The following KCNB2 variants were observed in gnomAD, a reference collection of about 807,000 sequenced individuals.
The protein encoded by KCNB2 is potassium voltage-gated channel subfamily B member 2.
KCNB2 carries 15 observed loss-of-function variants against 61.5 expected under a neutral mutation model. The ratio of observed to expected loss-of-function variants is 0.24; its 90% CI spans 0.16 to 0.38. The LOEUF is 0.38. Among genes scored for constraint, KCNB2 ranks in the 10% least tolerant of loss-of-function variants. The pLI, the probability that KCNB2 is intolerant of heterozygous loss-of-function variation, is 1.00. For missense variants in KCNB2, 828 were observed against 1,125.2 expected (o/e 0.74, Z 3.78); for synonymous variants, 457 against 446.0 (o/e 1.02, Z -0.31).
intron 2 of KCNB2, among the ~76,000 whole-genome samples, chr8:72,892,506 C>A (rs889313046): frequency 1.3e-5 from 2 of 152,274 alleles, no homozygotes; most frequent in Non-Finnish European, 2.9e-5. Flanking sequence ...TGCTAGGCAT[C>A]CGGCACATGC....
intron 2 of KCNB2, among the ~76,000 whole-genome samples, chr8:72,906,858 C>G (rs1475767658): frequency 6.6e-6 from 1 of 152,152 alleles, no homozygotes; most frequent in Non-Finnish European, 1.5e-5. Flanking sequence ...AAAGATGTAT[C>G]TCCTCATATT....
At chr8:72,924,438 G>C (rs1427425193) in intron 2 of KCNB2, among the ~76,000 whole-genome samples, 1 of 152,102 alleles carries the variant, frequency 6.6e-6, no homozygotes, top group Non-Finnish European at 1.5e-5. Flanking sequence ...AATCATTTGA[G>C]AATCTTGCTA....
Position 72,937,083 on chromosome 8 carries a change from G to T in KCNB2, c.1728G>T (p.Met576Ile). ...CTGCATATGAAGAAGAGATTGAAAT[G>T]GAAGAAGTGGTGTGTCCACAGGAGC... ...RPSAYEEEIE[M>I]EEVVCPQEQL... Residue 576 changes from methionine (M) to isoleucine (I), a missense_variant, in exon 3 of 3, where the codon ATG becomes ATT. Met to Ile is a conservative substitution (Grantham distance 10). Coordinates refer to ENST00000523207, the MANE Select transcript of KCNB2 (RefSeq NM_004770.3). 6.2e-7 allele frequency: 1 copy of T among 1,614,150 alleles called. No individual in the cohort carries two copies. The highest frequency in any genetic ancestry group is 8.5e-7 in the Non-Finnish European group (1 of 1,180,014).
In KCNB2 at chr8:72,574,200, C is replaced by T. The variant is rs139072624; in HGVS notation, c.579+5887C>T. Among the ~76,000 whole-genome samples, 957 of 152,316 alleles carry T rather than the reference C, an allele frequency of 6.3e-3. 8 individuals are homozygous for T. Among genetic ancestry groups the T allele is most frequent in the African/African-American group, 0.021 (871 of 41,574 alleles). On this transcript the variant is annotated intron_variant, in intron 2 of 2. Transcript: ENST00000523207. ...TCTCAAATATTCTGTTTTTTAGCTGCAGCGATCCTATTTCTAGATCCATGC... is the reference window on the plus strand; with the variant it reads ...TCTCAAATATTCTGTTTTTTAGCTGTAGCGATCCTATTTCTAGATCCATGC...
chr8:72,679,621 T>G (rs1450795449), intron 2 of KCNB2, among the ~76,000 whole-genome samples: 1 of 152,260 alleles, frequency 6.6e-6, no homozygotes, highest in East Asian at 1.9e-4. Context: ...GTTTTTATTA[T>G]GTTTTGACAT....
intron 1 of KCNB2, among the ~76,000 whole-genome samples, chr8:72,547,551 T>C (rs1463471415): frequency 6.6e-6 from 1 of 152,168 alleles, no homozygotes; most frequent in Non-Finnish European, 1.5e-5. Flanking sequence ...ATGGATGACT[T>C]TGAGGGATTT....
At chr8:72,592,748 C>T (rs1202799576) in intron 2 of KCNB2, among the ~76,000 whole-genome samples, 1 of 152,104 alleles carries the variant, frequency 6.6e-6, no homozygotes, top group African/African-American at 2.4e-5. Flanking sequence ...GGTAGGTGAA[C>T]ACCCTGAAGG....
chr8:72,791,208 T>A (rs968655489), intron 2 of KCNB2, among the ~76,000 whole-genome samples: 1 of 152,108 alleles, frequency 6.6e-6, no homozygotes, highest in Non-Finnish European at 1.5e-5. Context: ...GATGTACCCT[T>A]TGCAAGTAGC....
At chr8:72,582,019 T>G (rs1806906995) in intron 2 of KCNB2, among the ~76,000 whole-genome samples, 1 of 152,170 alleles carries the variant, frequency 6.6e-6, no homozygotes, top group Non-Finnish European at 1.5e-5. Flanking sequence ...ATCCACCCTT[T>G]ACAGGTCCTA....
At chr8:72,775,164 C>T (rs545154520) in intron 2 of KCNB2, among the ~76,000 whole-genome samples, 14 of 152,238 alleles carry the variant, frequency 9.2e-5, no homozygotes, top group African/African-American at 3.1e-4. Flanking sequence ...TCTGCCCTTC[C>T]GGTCAGGGCC....
At chr8:72,862,741 C>T (rs1805439033) in intron 2 of KCNB2, among the ~76,000 whole-genome samples, 1 of 152,108 alleles carries the variant, frequency 6.6e-6, no homozygotes, top group Admixed American at 6.6e-5. Flanking sequence ...AGTTTGTGGG[C>T]CCATATTGTA....
chr8:72,844,224 T>C (rs1809944921), intron 2 of KCNB2, among the ~76,000 whole-genome samples: 1 of 152,234 alleles, frequency 6.6e-6, no homozygotes, highest in South Asian at 2.1e-4. Context: ...TATGAAATTC[T>C]GGGTTGAAAA....
intron 2 of KCNB2, among the ~76,000 whole-genome samples, chr8:72,713,026 C>T (rs1807351813): frequency 6.6e-6 from 1 of 152,230 alleles, no homozygotes; most frequent in Non-Finnish European, 1.5e-5. Flanking sequence ...CCACACATGG[C>T]TTGGAGGGTC....
At chr8:72,686,670 A>G (rs1160180321) in intron 2 of KCNB2, among the ~76,000 whole-genome samples, 3 of 152,206 alleles carry the variant, frequency 2.0e-5, no homozygotes, top group Admixed American at 6.5e-5. Flanking sequence ...GTGTTCGGTA[A>G]TGACCTCTCA....
chr8:72,677,835 G>A (rs1286579540), intron 2 of KCNB2, among the ~76,000 whole-genome samples: 2 of 152,044 alleles, frequency 1.3e-5, no homozygotes, highest in African/African-American at 4.8e-5. Flanking sequence ...TCGGCTCCTG[G>A]ACCTAATAAG....
chr8:72,819,982 G>C (rs1427716609), intron 2 of KCNB2, among the ~76,000 whole-genome samples: 11 of 152,184 alleles, frequency 7.2e-5, no homozygotes, highest in Middle Eastern at 3.4e-3. Context: ...GGCTCCCAAA[G>C]CACGGGTTAC....
intron 2 of KCNB2, among the ~76,000 whole-genome samples, chr8:72,722,154 C>T (rs1316825074): frequency 1.3e-5 from 2 of 152,212 alleles, no homozygotes; most frequent in African/African-American, 4.8e-5. Flanking sequence ...TTCTCTACCA[C>T]CATCATCTGT....
At chr8:72,644,252 C>G (rs1296800112) in intron 2 of KCNB2, among the ~76,000 whole-genome samples, 1 of 152,048 alleles carries the variant, frequency 6.6e-6, no homozygotes, top group Non-Finnish European at 1.5e-5. Flanking sequence ...AGTTCACCCC[C>G]CCCTTCTCTT....
chr8:72,892,153 T>C (rs1805906674), intron 2 of KCNB2, among the ~76,000 whole-genome samples: 1 of 152,160 alleles, frequency 6.6e-6, no homozygotes, highest in Non-Finnish European at 1.5e-5. Context: ...TGTATTAGGT[T>C]CTTCATTTTA....
Sources: gnomAD v4.1 joint callset for allele counts (sites outside exome capture counted in the v4.1 genomes callset) on GRCh38, gnomAD v4.1.1 for gene constraint, MANE v1.5 for transcripts, NCBI Gene and HGNC (gene_info 2026-07-23, HGNC 2026-07-21) for gene names.